PACRG: variants seen among roughly 807,000 people sequenced by gnomAD.
PACRG encodes parkin coregulated gene protein.
A neutral mutation model predicts 29.7 loss-of-function variants in PACRG; 29 were observed. The observed-to-expected ratio is 0.98, with a 90% CI of 0.73 to 1.33. PACRG has a LOEUF of 1.33. PACRG is among the 40% of genes most tolerant of loss of function. PACRG has a pLI of 0.00. For missense variants in PACRG, 279 were observed against 316.2 expected (o/e 0.88, Z 0.89); for synonymous variants, 116 against 118.7 (o/e 0.98, Z 0.15).
chr6:163,035,812 CAA>C (rs1156795173), intron 2 of PACRG, among the ~76,000 whole-genome samples: 4 of 64,230 alleles, frequency 6.2e-5, no homozygotes, highest in Admixed American at 2.0e-4. Flanking sequence ...GACTCTGTCT[CAA>C]AAAAAAAAAA....
At chr6:162,765,583 T>C (rs942387204) in intron 1 of PACRG, among the ~76,000 whole-genome samples, 1 of 152,162 alleles carries the variant, frequency 6.6e-6, no homozygotes, top group Admixed American at 6.5e-5. Context: ...ACCATTATCG[T>C]AAGTGATGGT....
At chr6:163,209,640 T>C (rs754336691) in intron 4 of PACRG, among the ~76,000 whole-genome samples, 64 of 152,338 alleles carry the variant, frequency 4.2e-4, no homozygotes, top group Non-Finnish European at 8.1e-4. Flanking sequence ...AATTTTCCTT[T>C]GTATTGACTT....
intron 3 of PACRG, among the ~76,000 whole-genome samples, chr6:163,078,223 G>T (rs189364794): frequency 7.2e-5 from 11 of 152,132 alleles, no homozygotes; most frequent in Admixed American, 7.2e-4. Flanking sequence ...CAATAGGACC[G>T]GGCGCAGTGG....
intron 2 of PACRG, among the ~76,000 whole-genome samples, chr6:162,816,655 A>G (rs557144215): frequency 6.6e-6 from 1 of 152,282 alleles, no homozygotes. Flanking sequence ...CCCAGCCAAG[A>G]CATTAAGATT....
intron 2 of PACRG, among the ~76,000 whole-genome samples, chr6:163,039,093 A>G (rs1808461451): frequency 2.0e-5 from 3 of 152,104 alleles, no homozygotes; most frequent in Admixed American, 2.0e-4. Context: ...AGGGCAGTTT[A>G]CCCCGTGCTA....
chr6:163,298,548 TC>T (rs1376362920), intron 4 of PACRG, among the ~76,000 whole-genome samples: 4 of 152,120 alleles, frequency 2.6e-5, no homozygotes, highest in Non-Finnish European at 4.4e-5. Context: ...GAGAATTCTT[TC>T]AAGGAAATAA....
chr6:163,097,782 G>A (rs544984800), intron 4 of PACRG, among the ~76,000 whole-genome samples: 3 of 152,230 alleles, frequency 2.0e-5, no homozygotes, highest in East Asian at 1.9e-4. Flanking sequence ...TCAAGATAAG[G>A]GGCTGTGGAA....
intron 1 of PACRG, among the ~76,000 whole-genome samples, chr6:162,759,680 G>A (rs757083930): frequency 6.6e-6 from 1 of 152,086 alleles, no homozygotes; most frequent in African/African-American, 2.4e-5. Context: ...GCTATATAAA[G>A]GTGGTCGATC....
At chr6:162,933,598 T>C (rs1397026521) in intron 2 of PACRG, among the ~76,000 whole-genome samples, 29 of 137,464 alleles carry the variant, frequency 2.1e-4, no homozygotes, top group African/African-American at 8.1e-4. Flanking sequence ...TGACTTTCTG[T>C]ATCTTTTTTT....
intron 1 of PACRG, among the ~76,000 whole-genome samples, chr6:162,764,340 G>A (rs1309362254): frequency 6.6e-6 from 1 of 152,102 alleles, no homozygotes; most frequent in Non-Finnish European, 1.5e-5. Context: ...CAAAAATTAT[G>A]TATTTTAATA....
At chr6:163,078,536 C>T (rs1035662531) in intron 3 of PACRG, among the ~76,000 whole-genome samples, 8 of 151,992 alleles carry the variant, frequency 5.3e-5, no homozygotes, top group Non-Finnish European at 1.2e-4. Flanking sequence ...ATAATGACAT[C>T]CAATTTATTG....
chr6:163,269,017 G>T (rs1224530529), intron 4 of PACRG, among the ~76,000 whole-genome samples: 1 of 152,198 alleles, frequency 6.6e-6, no homozygotes, highest in Non-Finnish European at 1.5e-5. Flanking sequence ...CTCAATCCTA[G>T]CAACAGCCAA....
At chr6:163,022,826 C>T (rs1806762241) in intron 2 of PACRG, among the ~76,000 whole-genome samples, 1 of 152,158 alleles carries the variant, frequency 6.6e-6, no homozygotes, top group Non-Finnish European at 1.5e-5. Flanking sequence ...ATTGAATTGG[C>T]TTAAATAATT....
chr6:163,233,036 G>A (rs1782106678), intron 4 of PACRG, among the ~76,000 whole-genome samples: 1 of 152,220 alleles, frequency 6.6e-6, no homozygotes, highest in South Asian at 2.1e-4. Context: ...GGGAGGAGAT[G>A]GTCTCAGCAA....
At chr6:163,298,012 G>A (rs6926326) in intron 4 of PACRG, among the ~76,000 whole-genome samples, 8,954 of 152,072 alleles carry the variant, frequency 0.059, 827 homozygotes, top group African/African-American at 0.19. Flanking sequence ...GGGATACCTG[G>A]GCACCTTTAG....
chr6:163,262,224 C>G (rs1301499719), intron 4 of PACRG, among the ~76,000 whole-genome samples: 2 of 152,198 alleles, frequency 1.3e-5, no homozygotes, highest in Admixed American at 6.5e-5. Context: ...TCTACTGTAC[C>G]ATTCTGAATT....
Position 162,959,431 on chromosome 6 carries a change from G to A in PACRG, c.292-102719G>A, listed in dbSNP as rs76817368. On this transcript the variant is annotated intron_variant, in intron 2 of 4. Coordinates refer to ENST00000366888, the MANE Select transcript of PACRG (RefSeq NM_001080379.2). ...TGGAGGAGACCTGCCGTGCATGGAGGGGTGGGTCTGGTATTTTCTGCAAAG... is the reference window on the plus strand; with the variant it reads ...TGGAGGAGACCTGCCGTGCATGGAGAGGTGGGTCTGGTATTTTCTGCAAAG... Among the ~76,000 whole-genome samples, 82 of 152,158 alleles carry A rather than the reference G, an allele frequency of 5.4e-4. 2 individuals carry two copies. In the East Asian group the frequency reaches 0.016, roughly 29 times the overall value.
chr6:162,779,963 G>A (rs1584329012), intron 1 of PACRG, among the ~76,000 whole-genome samples: 1 of 152,202 alleles, frequency 6.6e-6, no homozygotes, highest in African/African-American at 2.4e-5. Flanking sequence ...AAGCCTAGCT[G>A]TCTCCTTGAG....
chr6:162,960,734 T>A (rs1443118200), intron 2 of PACRG, among the ~76,000 whole-genome samples: 1 of 152,108 alleles, frequency 6.6e-6, no homozygotes, highest in African/African-American at 2.4e-5. Flanking sequence ...AAAAGTAGAA[T>A]TAAAATAAAA....
Sources: allele counts gnomAD v4.1 joint callset (sites outside exome capture counted in the v4.1 genomes callset), GRCh38; gene constraint gnomAD v4.1.1; transcripts MANE v1.5; gene names NCBI Gene and HGNC (gene_info 2026-07-23, HGNC 2026-07-21).